Variants in ELMO1 observed in about 807,000 individuals in gnomAD.
The protein encoded by ELMO1 is engulfment and cell motility protein 1.
In ELMO1, 26 loss-of-function variants were observed where a neutral mutation model predicts 98.9. The ratio of observed to expected loss-of-function variants is 0.26; its 90% CI spans 0.19 to 0.36. The LOEUF (loss-of-function observed/expected upper bound fraction) is 0.36, where lower values mean the gene tolerates loss of function less well. Ranked by LOEUF, ELMO1 falls within the 10% of genes least tolerant of loss-of-function variation. ELMO1 has a pLI of 1.00. For synonymous variants in ELMO1, 346 were observed against 346.0 expected (o/e 1.00, Z 0.00); for missense variants, 627 against 935.2 (o/e 0.67, Z 4.30).
chr7:37,287,364 T>C lies in ELMO1; in HGVS notation c.193-15482A>G, dbSNP rs1797445717. Among the ~76,000 whole-genome samples the C allele has an allele frequency of 2.0e-5, 3 of 152,186 alleles. No individual in the cohort carries two copies. The South Asian group carries it at 6.2e-4, about 31-fold the overall frequency. On this transcript the variant is annotated intron_variant, in intron 4 of 21. Coordinates refer to ENST00000310758, the MANE Select transcript of ELMO1 (RefSeq NM_014800.11). ...ATGGGTTTGGCTGTGTTCCAGTAAG[T>C]TTTATGTACAAAAACAGGTGGCAGC...
chr7:37,225,553 G>C (rs943658689), intron 8 of ELMO1, among the ~76,000 whole-genome samples: 2 of 152,066 alleles, frequency 1.3e-5, no homozygotes, highest in African/African-American at 4.8e-5. Context: ...CTCAGTCACC[G>C]GCCACTCTCT....
chr7:36,859,105 G>A (rs1045157261), intron 21 of ELMO1, among the ~76,000 whole-genome samples: 1 of 151,398 alleles, frequency 6.6e-6, no homozygotes, highest in Non-Finnish European at 1.5e-5. Context: ...GAGAGACAGA[G>A]AGAGAGAAAG....
chr7:36,897,325 C>CGTGTGTGTGTGTGTGTGTGT (rs11267559), intron 16 of ELMO1, among the ~76,000 whole-genome samples: 45 of 46,986 alleles, frequency 9.6e-4, no homozygotes, highest in Non-Finnish European at 1.2e-3. Context: ...AGAAAACAGA[C>CGTGTGTGTGTGTGTGTGTGT]GTGTGTGTGT....
At chr7:37,301,193 G>A (rs987208738) in intron 4 of ELMO1, among the ~76,000 whole-genome samples, 1 of 152,004 alleles carries the variant, frequency 6.6e-6, no homozygotes. Flanking sequence ...AGATGGTAGT[G>A]AGGAAGAGAT....
chr7:37,129,976 C>T (rs568702627), intron 14 of ELMO1, among the ~76,000 whole-genome samples: 181 of 152,292 alleles, frequency 1.2e-3, no homozygotes, highest in African/African-American at 4.2e-3. Flanking sequence ...TGTACCTTTG[C>T]TCTCATGGTT....
intron 15 of ELMO1, among the ~76,000 whole-genome samples, chr7:37,058,435 C>T (rs1388868718): frequency 4.6e-5 from 7 of 152,146 alleles, no homozygotes; most frequent in Admixed American, 3.9e-4. Flanking sequence ...CTCTCTTGCT[C>T]TCTTCACCTA....
At chr7:37,338,398 A>T (rs576810583) in intron 2 of ELMO1, among the ~76,000 whole-genome samples, 3 of 152,296 alleles carry the variant, frequency 2.0e-5, no homozygotes, top group African/African-American at 7.2e-5. Flanking sequence ...GTGGGGAAAC[A>T]TACAAGGCAC....
At chr7:37,386,199 G>C (rs17171018) in intron 1 of ELMO1, among the ~76,000 whole-genome samples, 2,040 of 152,312 alleles carry the variant, frequency 0.013, 52 homozygotes, top group African/African-American at 0.047. Context: ...ACGGTGTGCA[G>C]CCAGAAAGTC....
chr7:37,187,327 C>T (rs1227181890), intron 13 of ELMO1, among the ~76,000 whole-genome samples: 2 of 152,152 alleles, frequency 1.3e-5, no homozygotes, highest in Non-Finnish European at 2.9e-5. Context: ...GGGGTGACAG[C>T]TAATGGGTCT....
At chr7:37,117,615 G>A (rs559364182) in intron 14 of ELMO1, among the ~76,000 whole-genome samples, 12 of 152,260 alleles carry the variant, frequency 7.9e-5, no homozygotes, top group Non-Finnish European at 1.5e-4. Flanking sequence ...AAGGGGTCCC[G>A]ATTGTTTGGC....
intron 16 of ELMO1, among the ~76,000 whole-genome samples, chr7:36,943,229 A>C (rs757327286): frequency 2.6e-5 from 4 of 152,262 alleles, no homozygotes; most frequent in African/African-American, 4.8e-5. Context: ...TCCACTGTGT[A>C]CGTTCAGTAT....
intron 13 of ELMO1, among the ~76,000 whole-genome samples, chr7:37,204,554 A>G (rs1330165020): frequency 6.6e-6 from 1 of 152,180 alleles, no homozygotes; most frequent in Admixed American, 6.5e-5. Flanking sequence ...GCAAAAGAAC[A>G]AAGCTTCCAC....
rs192095930 is a variant in ELMO1 at position 37,239,229 on chromosome 7, G to A, written c.449+5127C>T. ...CGCCCAGGCTGGAATGCAGTGGCAC[G>A]ACGTCGGCTCACTGAAACCTCCACC... On this transcript the variant is annotated intron_variant, in intron 7 of 21. Transcript: ENST00000310758. Among the ~76,000 whole-genome samples, 5 of 152,034 alleles carry A rather than the reference G, an allele frequency of 3.3e-5. No homozygotes were observed. The East Asian group carries it at 7.7e-4, about 23-fold the overall frequency.
intron 5 of ELMO1, among the ~76,000 whole-genome samples, chr7:37,259,868 T>C (rs1461769621): frequency 6.6e-6 from 1 of 152,190 alleles, no homozygotes; most frequent in African/African-American, 2.4e-5. Flanking sequence ...CTGCAAATCT[T>C]CCAGCACTCC....
At chr7:37,160,945 T>A (rs1480186596) in intron 13 of ELMO1, among the ~76,000 whole-genome samples, 1 of 152,126 alleles carries the variant, frequency 6.6e-6, no homozygotes, top group Non-Finnish European at 1.5e-5. Flanking sequence ...AGCTTCAATA[T>A]CAGTTGATAC....
At chr7:37,062,919 A>G (rs149303927) in intron 15 of ELMO1, among the ~76,000 whole-genome samples, 5 of 152,312 alleles carry the variant, frequency 3.3e-5, no homozygotes, top group African/African-American at 1.2e-4. Context: ...GGTTTCCTTC[A>G]ACTGGTATGA....
intron 1 of ELMO1, among the ~76,000 whole-genome samples, chr7:37,391,714 C>A (rs75630613): frequency 0.095 from 14,463 of 152,266 alleles, 752 homozygotes; most frequent in Middle Eastern, 0.11. Context: ...TTTCAGGAAC[C>A]TCTTCAGAAA....
chr7:36,996,493 A>T (rs1184657371), intron 16 of ELMO1, among the ~76,000 whole-genome samples: 1 of 152,212 alleles, frequency 6.6e-6, no homozygotes, highest in Admixed American at 6.5e-5. Flanking sequence ...TTAGGGGTAG[A>T]GTCAAGAAAC....
chr7:36,923,501 T>G (rs183288214), intron 16 of ELMO1, among the ~76,000 whole-genome samples: 12 of 152,294 alleles, frequency 7.9e-5, no homozygotes, highest in Admixed American at 5.2e-4. Context: ...GCTTAGTATG[T>G]GGGCTTAAGA....
Sources: allele counts gnomAD v4.1 joint callset (sites outside exome capture counted in the v4.1 genomes callset), GRCh38; gene constraint gnomAD v4.1.1; transcripts MANE v1.5; gene names NCBI Gene and HGNC (gene_info 2026-07-23, HGNC 2026-07-21).